The following NLRX1 variants were observed in gnomAD, a reference collection of about 807,000 sequenced individuals.
NLRX1 encodes NOD-like receptor X1.
Under a neutral mutation model 74.2 loss-of-function variants are expected in NLRX1, and 67 were observed. The ratio of observed to expected loss-of-function variants is 0.90; its 90% CI spans 0.74 to 1.11. The LOEUF (loss-of-function observed/expected upper bound fraction) is 1.11, where lower values mean the gene tolerates loss of function less well. Among genes scored for constraint, NLRX1 ranks in the 50% least tolerant of loss-of-function variants. NLRX1 has a pLI of 0.00. For missense variants in NLRX1, 1,191 were observed against 1,305.4 expected (o/e 0.91, Z 1.35); for synonymous variants, 506 against 559.1 (o/e 0.91, Z 1.34).
Position 119,168,987 on chromosome 11 carries a change from G to C in NLRX1, c.-364G>C, listed in dbSNP as rs1276914480. On this transcript the variant is annotated 5_prime_UTR_variant, in exon 1 of 10. Transcript: ENST00000409109. The stretch of plus-strand genomic sequence containing the variant: ...GAGCTAGCGGGAGACGCCGGCGTCC[G>C]CCCAGCCGACCCCTCTGGGCCGCGG... The C allele has an allele frequency of 2.0e-5, 3 of 152,258 alleles. No homozygotes were observed. The highest frequency in any genetic ancestry group is 4.4e-5 in the Non-Finnish European group (3 of 68,078). 9.4% of individuals were successfully genotyped at this position (152,258 alleles called of 1,614,324 possible).
intron 7 of NLRX1, among the ~76,000 whole-genome samples, chr11:119,180,648 C>G (rs181841509): frequency 8.0e-5 from 12 of 150,744 alleles, no homozygotes; most frequent in Admixed American, 4.6e-4. Context: ...TTGCGGTGAG[C>G]TGAGATCATG....
At chr11:119,180,480 G>A (rs979573028) in intron 7 of NLRX1, among the ~76,000 whole-genome samples, 192 bp downstream of exon 7, 11 of 152,158 alleles carry the variant, frequency 7.2e-5, no homozygotes, top group African/African-American at 1.7e-4. Flanking sequence ...CAAGGCGGGC[G>A]TATCACCTGA....
chr11:119,174,729 C>T lies in NLRX1; in HGVS notation c.1126C>T (p.Leu376Phe), dbSNP rs1948651052. 1.2e-6 allele frequency: 2 copies of T among 1,613,728 alleles called. No homozygotes were observed. The highest frequency in any genetic ancestry group is 3.3e-5 in the Admixed American group (2 of 60,006). Reference sequence around the variant, plus strand: ...CTGCTTCCTGCCGTCCTATTGCTGGCTCGTTTGTGCCACCTTGCACTTCCT... The same window carrying T: ...CTGCTTCCTGCCGTCCTATTGCTGGTTCGTTTGTGCCACCTTGCACTTCCT... Reference protein sequence around the residue: ...AACFLPSYCWLVCATLHFLHA... With the variant: ...AACFLPSYCWFVCATLHFLHA... The change falls in exon 6 of 10, where the codon CTC becomes TTC. Residue 376 changes from leucine to phenylalanine, a missense_variant. Physicochemically the swap from Leu to Phe is conservative, Grantham distance 22 (BLOSUM62 0). Coordinates refer to ENST00000409109, the MANE Select transcript of NLRX1 (RefSeq NM_001282144.2).
At chr11:119,175,674 G>C (rs1948686753) in intron 6 of NLRX1, among the ~76,000 whole-genome samples, 1 of 152,230 alleles carries the variant, frequency 6.6e-6, no homozygotes, top group South Asian at 2.1e-4. Flanking sequence ...TAGGCTCTGA[G>C]AGTGATGACT....
At position 119,180,292 on chromosome 11, in the gene NLRX1, A is replaced by G; in HGVS notation, c.2267+4A>G. ...TCCTGCGTGCCCGGAAGCTGGGGTGAGGACCTATCCTCATGCACAGGCATG... is the reference window on the plus strand; with the variant it reads ...TCCTGCGTGCCCGGAAGCTGGGGTGGGGACCTATCCTCATGCACAGGCATG... On this transcript the variant is annotated splice_donor_region_variant and intron_variant, in intron 7 of 9. Coordinates refer to ENST00000409109, the MANE Select transcript of NLRX1 (RefSeq NM_001282144.2). The G allele has an allele frequency of 6.4e-7, 1 of 1,569,928 alleles. No individual in the cohort carries two copies. The highest frequency in any genetic ancestry group is 1.2e-5 in the South Asian group (1 of 85,456).
chr11:119,183,407 C>T lies in NLRX1; in HGVS notation c.2896C>T (p.Leu966Phe), dbSNP rs1444304491. The change falls in exon 10 of 10, where the codon CTC becomes TTC. Residue 966 changes from leucine (L) to phenylalanine (F), a missense_variant. Transcript: ENST00000409109. This position sits in a 1 kb window ranked among gnomAD's most constrained non-coding sequence, Gnocchi z 5.7. Reference protein sequence around the residue: ...LLRVEGEVRALLEQLGSSGS With the variant: ...LLRVEGEVRAFLEQLGSSGS Reference sequence around the variant, plus strand: ...GCGAGTGGAGGGCGAGGTCAGGGCCCTCCTGGAGCAGCTGGGAAGCTCTGG... The same window carrying T: ...GCGAGTGGAGGGCGAGGTCAGGGCCTTCCTGGAGCAGCTGGGAAGCTCTGG... 1 of 1,613,436 alleles carries T rather than the reference C, an allele frequency of 6.2e-7. No individual in the cohort carries two copies. The highest frequency in any genetic ancestry group is 1.1e-5 in the South Asian group (1 of 91,074).
chr11:119,172,156 C>A (rs1948566984), intron 2 of NLRX1, among the ~76,000 whole-genome samples, 200 bp from the exon 3 acceptor site: 1 of 152,156 alleles, frequency 6.6e-6, no homozygotes, highest in Non-Finnish European at 1.5e-5. Flanking sequence ...TTAAAACACC[C>A]AAATGTGATC....
At chr11:119,178,777 A>C (rs530673954) in intron 6 of NLRX1, among the ~76,000 whole-genome samples, 11 of 147,394 alleles carry the variant, frequency 7.5e-5, no homozygotes, top group African/African-American at 2.8e-4. Flanking sequence ...ATCTCAGCTC[A>C]CTGCATCCCT....
At chr11:119,175,636 C>G (rs1454719397) in intron 6 of NLRX1, among the ~76,000 whole-genome samples, 1 of 152,172 alleles carries the variant, frequency 6.6e-6, no homozygotes, top group Non-Finnish European at 1.5e-5. Context: ...TCCAGAAACT[C>G]GATTGTGTCT....
At chr11:119,181,144 C>G (rs778881687) in intron 7 of NLRX1, 27 bp from the exon 8 acceptor site, 1 of 1,577,038 alleles carries the variant, frequency 6.3e-7, no homozygotes, top group South Asian at 1.1e-5. Context: ...GGTCTCTCAC[C>G]TCCCCTCTGG....
At chr11:119,182,001 G>A (rs1565835242) in intron 8 of NLRX1, 93 bp from the exon 9 acceptor site, 1 of 1,495,334 alleles carries the variant, frequency 6.7e-7, no homozygotes, top group Non-Finnish European at 9.2e-7. Flanking sequence ...CCCAGCACAG[G>A]GCTGCCCCAT....
intron 6 of NLRX1, among the ~76,000 whole-genome samples, chr11:119,176,120 G>A (rs1351388988): frequency 6.6e-6 from 1 of 152,248 alleles, no homozygotes; most frequent in African/African-American, 2.4e-5. Context: ...GGATATGTCT[G>A]TCGAGCTGTG....
intron 6 of NLRX1, among the ~76,000 whole-genome samples, chr11:119,177,147 T>C (rs1948720163): frequency 6.6e-6 from 1 of 152,028 alleles, no homozygotes; most frequent in Non-Finnish European, 1.5e-5. Context: ...AGTGGCACCG[T>C]CTCTGCTCAC....
chr11:119,170,239 G>A (rs1948508951), intron 1 of NLRX1, among the ~76,000 whole-genome samples: 1 of 152,056 alleles, frequency 6.6e-6, no homozygotes, highest in Non-Finnish European at 1.5e-5. Flanking sequence ...GGTGCTTGGG[G>A]TGAGGGATTA....
chr11:119,180,810 G>A (rs1459245397), intron 7 of NLRX1, among the ~76,000 whole-genome samples: 1 of 152,100 alleles, frequency 6.6e-6, no homozygotes, highest in Non-Finnish European at 1.5e-5. Flanking sequence ...GGAGGCCAAG[G>A]CAGAAGCATC....
rs967912654 is a variant in NLRX1 at position 119,174,600 on chromosome 11, T to C, written c.997T>C (p.Tyr333His). The C allele has an allele frequency of 6.2e-6, 10 of 1,614,148 alleles. No individual in the cohort carries two copies. Among genetic ancestry groups the C allele is most frequent in the Non-Finnish European group, 7.6e-6 (9 of 1,180,034 alleles). ...CCGCCTCAACCAGCCGTACTGCGGG[T>C]ATGCCGTTGGCGGTTCAGGTGTCTC... is the stretch of plus-strand genomic sequence containing the variant. ...QLRLNQPYCG[Y>H]AVGGSGVSAT... The change falls in exon 6 of 10, where the codon TAT becomes CAT. Residue 333 changes from tyrosine to histidine, a missense_variant. Coordinates refer to ENST00000409109, the MANE Select transcript of NLRX1 (RefSeq NM_001282144.2).
chr11:119,172,009 C>T (rs1174922826), intron 2 of NLRX1, among the ~76,000 whole-genome samples: 1 of 151,668 alleles, frequency 6.6e-6, no homozygotes, highest in Non-Finnish European at 1.5e-5. Context: ...CTTGTAGCTA[C>T]ATAAGTCTAG....
At position 119,171,363 on chromosome 11, in the gene NLRX1, G is replaced by C; in HGVS notation, c.-41G>C. The C allele has an allele frequency of 1.9e-6, 3 of 1,610,558 alleles. No homozygotes were observed. Among genetic ancestry groups the C allele is most frequent in the Non-Finnish European group, 2.5e-6 (3 of 1,178,608 alleles). On this transcript the variant is annotated 5_prime_UTR_variant, in exon 2 of 10. Transcript: ENST00000409109. ...GTACTATTCTTCTTGCAGGACAGAA[G>C]TCGGTCCTAGGCCCCCCAGGCTCTG...
In NLRX1 at chr11:119,174,341, T is replaced by C. The variant is rs927413287; in HGVS notation, c.850-112T>C. 14 of 1,172,960 alleles carry C rather than the reference T, an allele frequency of 1.2e-5. No homozygotes were observed. The African/African-American group carries it at 1.2e-4, about 10-fold the overall frequency. The allele number at this position is 1,172,960 out of a possible 1,614,324, so 72.7% of individuals were successfully genotyped here. ...CAGTAATTGCTAGTTATAACTGTTA[T>C]CCTCATCAATGTCTTCATCCTTGGA... On this transcript the variant is annotated intron_variant, in intron 5 of 9. Coordinates refer to ENST00000409109, the MANE Select transcript of NLRX1 (RefSeq NM_001282144.2).
Sources: gnomAD v4.1 joint callset for allele counts (sites outside exome capture counted in the v4.1 genomes callset) on GRCh38, gnomAD v4.1.1 for gene constraint, Gnocchi (gnomAD v3.1) non-coding constraint, MANE v1.5 for transcripts, NCBI Gene and HGNC (gene_info 2026-07-23, HGNC 2026-07-21) for gene names.